CENPF: variants seen among roughly 807,000 people sequenced by gnomAD.
CENPF encodes the protein AH antigen.
In CENPF, 214 loss-of-function variants were observed where a neutral mutation model predicts 307.3. That is an observed-to-expected ratio of 0.70 (90% confidence interval 0.62 to 0.78). CENPF has a LOEUF of 0.78. CENPF is among the 30% of genes least tolerant of loss of function. CENPF has a pLI of 0.00. For missense variants in CENPF, 3,401 were observed against 3,483.9 expected (o/e 0.98, Z 0.60); for synonymous variants, 1,259 against 1,270.6 (o/e 0.99, Z 0.19).
intron 6 of CENPF, 144 bp downstream of exon 6, chr1:214,621,090 A>G: frequency 1.5e-6 from 1 of 687,582 alleles, no homozygotes; most frequent in East Asian, 2.7e-5. Context: ...TATGTGAAAT[A>G]TACTGTCTTT....
At position 214,651,784 on chromosome 1, in the gene CENPF, G is replaced by A. The variant is rs935155292; in HGVS notation, c.8058G>A (p.Val2686=). ...KSLDCMHKDQ[V]EKEGKVREEI... ...TAGATTGCATGCACAAAGACCAGGT[G>A]GAAAAGGAAGGGAAAGTGAGAGAGG... The change falls in exon 15 of 20, where the codon GTG becomes GTA. Residue 2686 remains valine (V), a synonymous_variant. Coordinates refer to ENST00000366955, the MANE Select transcript of CENPF (RefSeq NM_016343.4). 3.7e-6 allele frequency: 6 copies of A among 1,613,478 alleles called. No homozygotes were observed. The Admixed American group carries it at 1.0e-4, about 27-fold the overall frequency.
intron 16 of CENPF, chr1:214,653,611 A>G (rs895844299): frequency 1.9e-5 from 3 of 154,386 alleles, no homozygotes; most frequent in African/African-American, 4.8e-5. Flanking sequence ...CCCACAGTGT[A>G]TAGTAATGAA....
intron 17 of CENPF, among the ~76,000 whole-genome samples, chr1:214,656,029 A>G (rs1386737369): frequency 6.6e-6 from 1 of 152,168 alleles, no homozygotes; most frequent in African/African-American, 2.4e-5. Context: ...TTTCTTTGTC[A>G]ATAGATTGGC....
At chr1:214,613,623 A>G (rs866579507) in intron 1 of CENPF, 91 bp from the exon 2 acceptor site, 2 of 917,118 alleles carry the variant, frequency 2.2e-6, no homozygotes, top group South Asian at 2.0e-5. Context: ...TTGAAACTTG[A>G]TTTTTAGGGG....
In CENPF at chr1:214,643,113, G is replaced by A. The variant is rs768975520; in HGVS notation, c.4775G>A (p.Arg1592Lys). ...CTCGAGCAGTTATTAAGTTCTGAAA[G>A]GCAAGAGCTTGACTGCCTTAGGAAG... ...QELEQLLSSE[R>K]QELDCLRKQY... The change falls in exon 12 of 20, where the codon AGG becomes AAG. Residue 1592 changes from arginine to lysine, a missense_variant. Transcript: ENST00000366955. 14 of 1,603,164 alleles carry A rather than the reference G, an allele frequency of 8.7e-6. No individual in the cohort carries two copies. In the East Asian group the frequency reaches 3.1e-4, roughly 36 times the overall value.
intron 1 of CENPF, among the ~76,000 whole-genome samples, chr1:214,608,004 C>A (rs1369966367): frequency 6.6e-6 from 1 of 152,334 alleles, no homozygotes; most frequent in African/African-American, 2.4e-5. Context: ...ACCACCCACT[C>A]CCTCCCGCCG....
intron 4 of CENPF, 102 bp downstream of exon 4, chr1:214,618,796 T>C: frequency 3.3e-6 from 4 of 1,212,162 alleles, no homozygotes; most frequent in Non-Finnish European, 4.6e-6. Flanking sequence ...AAACTTTTAA[T>C]GTATATGTTT....
chr1:214,628,947 G>A (rs542068820), intron 7 of CENPF, 99 bp from the exon 8 acceptor site: 3 of 835,802 alleles, frequency 3.6e-6, no homozygotes, highest in Non-Finnish European at 5.3e-6. Flanking sequence ...CATAAATTGT[G>A]TGCTAAAACA....
chr1:214,605,416 T>C (rs1257727184), intron 1 of CENPF: 1 of 461,486 alleles, frequency 2.2e-6, no homozygotes, highest in Non-Finnish European at 3.9e-6. Flanking sequence ...CATCCGTAAG[T>C]GCCTGAGCTA....
chr1:214,658,820 A>G (rs372170147), intron 18 of CENPF, 30 bp from the exon 19 acceptor site: 91 of 1,607,524 alleles, frequency 5.7e-5, no homozygotes, highest in Non-Finnish European at 7.4e-5. Context: ...TGGACCTAGC[A>G]GTGCTGACAG....
At chr1:214,613,096 T>C in intron 1 of CENPF, 1 of 306,072 alleles carries the variant, frequency 3.3e-6, no homozygotes, top group Non-Finnish European at 6.2e-6. Context: ...ATATGGCTTT[T>C]TGGTCCACCA....
intron 4 of CENPF, 62 bp downstream of exon 4, chr1:214,618,756 A>C: frequency 6.8e-7 from 1 of 1,473,236 alleles, no homozygotes; most frequent in South Asian, 1.3e-5. Context: ...TTAATTCTGC[A>C]AAATAAATGA....
Position 214,641,224 on chromosome 1 carries a change from TTC to T in CENPF, c.2890_2891del (p.Leu964LysfsTer2). The T allele has an allele frequency of 6.2e-7, 1 of 1,606,376 alleles. No homozygotes were observed. The highest frequency in any genetic ancestry group is 8.5e-7 in the Non-Finnish European group (1 of 1,178,072). On this transcript the variant is annotated frameshift_variant, in exon 12 of 20. Transcript: ENST00000366955. LOFTEE classifies it high-confidence loss of function. ...LEKKEMSSII[S>X]LNKREIEELT... ...AGAAGAAAGAAATGAGTTCCATCAT[TTC>T]TCTAAATAAAAGGGAAATTGAAGAG... is the stretch of plus-strand genomic sequence containing the variant.
intron 7 of CENPF, 125 bp from the exon 8 acceptor site, chr1:214,628,921 G>C: frequency 1.5e-6 from 1 of 675,436 alleles, no homozygotes; most frequent in Admixed American, 3.7e-5. Flanking sequence ...TTACATCCTT[G>C]CTAATAGTTC....
chr1:214,640,018 G>T lies in CENPF; in HGVS notation c.1680G>T (p.Val560=). The change falls in exon 12 of 20, where the codon GTG becomes GTT. Residue 560 remains valine (V), a synonymous_variant. Coordinates refer to ENST00000366955, the MANE Select transcript of CENPF (RefSeq NM_016343.4). Reference sequence around the variant, plus strand: ...CTTTAGAAAAACTGAAGCTTGCTGTGGCTGATCTGGAAAAGCAGCGAGATT... The same window carrying T: ...CTTTAGAAAAACTGAAGCTTGCTGTTGCTGATCTGGAAAAGCAGCGAGATT... ...SLTLEKLKLA[V]ADLEKQRDCS... is the part of the protein sequence containing the mutation. 6.3e-7 allele frequency: 1 copy of T among 1,597,884 alleles called. No individual in the cohort carries two copies. The highest frequency in any genetic ancestry group is 1.1e-5 in the South Asian group (1 of 86,988).
intron 8 of CENPF, 75 bp from the exon 9 acceptor site, chr1:214,630,459 G>C: frequency 1.3e-6 from 2 of 1,572,686 alleles, no homozygotes; most frequent in Admixed American, 1.7e-5. Context: ...TCGCCTGTTA[G>C]GATGCTCATG....
intron 1 of CENPF, among the ~76,000 whole-genome samples, chr1:214,606,233 G>A (rs1286500272): frequency 2.0e-5 from 3 of 152,186 alleles, no homozygotes; most frequent in Admixed American, 6.5e-5. Flanking sequence ...CCAGTCCCGA[G>A]GGCCACCCCC....
chr1:214,631,946 A>G (rs1001723348), intron 9 of CENPF, among the ~76,000 whole-genome samples: 3 of 152,218 alleles, frequency 2.0e-5, no homozygotes, highest in Non-Finnish European at 4.4e-5. Flanking sequence ...TTGCTAATCA[A>G]GGAGTGAAAA....
chr1:214,612,226 A>C (rs915368062), intron 1 of CENPF, among the ~76,000 whole-genome samples: 44 of 152,284 alleles, frequency 2.9e-4, no homozygotes, highest in African/African-American at 1.0e-3. Flanking sequence ...TGCATGAGAT[A>C]ATCATGTCAT....
Sources: gnomAD v4.1 joint callset for allele counts (sites outside exome capture counted in the v4.1 genomes callset) on GRCh38, gnomAD v4.1.1 for gene constraint, MANE v1.5 for transcripts, NCBI Gene and HGNC (gene_info 2026-07-23, HGNC 2026-07-21) for gene names.